The following CLEC17A variants were observed in gnomAD, a reference collection of about 807,000 sequenced individuals.
CLEC17A encodes C-type lectin domain containing 17A.
Under a neutral mutation model 61.3 loss-of-function variants are expected in CLEC17A, and 37 were observed. The observed-to-expected ratio is 0.60, with a 90% confidence interval of 0.46 to 0.79. The LOEUF (loss-of-function observed/expected upper bound fraction) is 0.79, where lower values mean the gene tolerates loss of function less well. Among genes scored for constraint, CLEC17A ranks in the 30% least tolerant of loss-of-function variants. The pLI is 0.00. For synonymous variants in CLEC17A, 168 were observed against 164.9 expected (o/e 1.02, Z -0.14); for missense variants, 418 against 464.7 (o/e 0.90, Z 0.92).
At chr19:14,601,533 C>T (rs139728671) in intron 12 of CLEC17A, among the ~76,000 whole-genome samples, 97 of 152,160 alleles carry the variant, frequency 6.4e-4, no homozygotes, top group Admixed American at 1.0e-3. Flanking sequence ...GAGTCACTTA[C>T]AGCTAGTGGG....
chr19:14,586,251 T>C (rs1325625773), intron 2 of CLEC17A, among the ~76,000 whole-genome samples: 5 of 151,828 alleles, frequency 3.3e-5, no homozygotes, highest in Admixed American at 3.3e-4. Flanking sequence ...TCAGCCTCCC[T>C]GGCAGCGGGA....
In CLEC17A at chr19:14,599,922, C is replaced by T. The variant is rs2074662219; in HGVS notation, c.743-109C>T. The T allele has an allele frequency of 4.7e-6, 7 of 1,505,008 alleles. No individual in the cohort carries two copies. The East Asian group carries it at 1.4e-4, about 30-fold the overall frequency. 93.2% of individuals were successfully genotyped at this position (1,505,008 alleles called of 1,614,324 possible). A position where few individuals can be genotyped will look rare whatever the true frequency, so the allele number is the denominator to read the frequency against. ...TGCAGTCTATGTGAATGGTGCCCCTCCCCCTCACCGGAGTTGAGCAGTGTA... is the reference window on the plus strand; with the variant it reads ...TGCAGTCTATGTGAATGGTGCCCCTTCCCCTCACCGGAGTTGAGCAGTGTA... On this transcript the variant is annotated intron_variant, in intron 11 of 13. Transcript: ENST00000417570.
intron 2 of CLEC17A, among the ~76,000 whole-genome samples, chr19:14,587,074 A>C (rs1339565562): frequency 6.6e-6 from 1 of 151,404 alleles, no homozygotes; most frequent in African/African-American, 2.4e-5. Context: ...TTTTTGGTAG[A>C]GACGGGGTTT....
chr19:14,594,723 AAGCCCTTCTT>A, intron 6 of CLEC17A, 26 bp from the exon 7 acceptor site: 1 of 1,613,988 alleles, frequency 6.2e-7, no homozygotes, highest in Non-Finnish European at 8.5e-7. Flanking sequence ...CACCTGGCTG[AAGCCCTTCTT>A]GAAATGACTT....
rs534791403 is a variant in CLEC17A at position 14,611,003 on chromosome 19, T to A, written c.*807T>A. ...TTTTTACTTTCCCCATCTTTTCCTT[T>A]TTTTTTTTTTTCCAAACAAAAGCTT... On this transcript the variant is annotated 3_prime_UTR_variant, in exon 14 of 14. Coordinates refer to ENST00000417570, the MANE Select transcript of CLEC17A (RefSeq NM_001204118.2). 5 of 150,418 alleles carry A rather than the reference T, an allele frequency of 3.3e-5. No individual in the cohort carries two copies. The highest frequency in any genetic ancestry group is 1.2e-4 in the African/African-American group (5 of 41,144). The allele number at this position is 150,418 out of a possible 1,614,324, so 9.3% of individuals were successfully genotyped here.
chr19:14,611,864 C>T lies in CLEC17A; in HGVS notation c.*1668C>T, dbSNP rs73504181. On this transcript the variant is annotated 3_prime_UTR_variant, in exon 14 of 14. Coordinates refer to ENST00000417570, the MANE Select transcript of CLEC17A (RefSeq NM_001204118.2). Reference sequence around the variant, plus strand: ...TAAAAATACAAAAAAATTAGCTGGGCGTGGTGGCATGTGCCTGTAATCCCA... The same window carrying T: ...TAAAAATACAAAAAAATTAGCTGGGTGTGGTGGCATGTGCCTGTAATCCCA... 4.9e-3 allele frequency among the ~76,000 whole-genome samples: 746 copies of T among 152,064 alleles called. 7 individuals carry two copies. The highest frequency in any genetic ancestry group is 0.017 in the African/African-American group (717 of 41,484).
chr19:14,599,957 C>G, intron 11 of CLEC17A, 74 bp from the exon 12 acceptor site: 1 of 1,570,860 alleles, frequency 6.4e-7, no homozygotes, highest in Non-Finnish European at 8.7e-7. Context: ...ACAGCCTGCA[C>G]AACTGTACAT....
chr19:14,587,285 G>A (rs1388277250), intron 2 of CLEC17A, among the ~76,000 whole-genome samples: 5 of 151,634 alleles, frequency 3.3e-5, no homozygotes, highest in African/African-American at 9.7e-5. Context: ...GAGGTCTGGG[G>A]GCTTCCCCCC....
At chr19:14,591,619 T>C (rs993715194) in intron 3 of CLEC17A, among the ~76,000 whole-genome samples, 1 of 150,368 alleles carries the variant, frequency 6.7e-6, no homozygotes, top group Non-Finnish European at 1.5e-5. Context: ...AGTGGTGCGA[T>C]CTCAGCTCAC....
At chr19:14,581,971 G>C (rs55653343), upstream of CLEC17A, among the ~76,000 whole-genome samples, 2,388 of 152,198 alleles carry the variant, frequency 0.016, 31 homozygotes, top group Non-Finnish European at 0.026. Context: ...TATAGTTCTG[G>C]AGTCAGGAGA....
At chr19:14,602,496 GT>G (rs1338333451) in intron 12 of CLEC17A, among the ~76,000 whole-genome samples, 3 of 151,994 alleles carry the variant, frequency 2.0e-5, no homozygotes, top group African/African-American at 7.3e-5. Flanking sequence ...GTTTTGCTAT[GT>G]TGCCCAGGCT....
chr19:14,594,935 G>A lies in CLEC17A; in HGVS notation c.403+135G>A, dbSNP rs113440902. ...CATCCAGGCTGGAGTGCAGTGGTGC[G>A]ATACTGGCTCACTGCAACCTCTGCC... is the stretch of plus-strand genomic sequence containing the variant. On this transcript the variant is annotated intron_variant, in intron 7 of 13. Transcript: ENST00000417570. 756 of 885,366 alleles carry A rather than the reference G, an allele frequency of 8.5e-4. 4 individuals are homozygous for A. The African/African-American group carries it at 0.011, about 13-fold the overall frequency. The allele number at this position is 885,366 out of a possible 1,614,324, so 54.8% of individuals were successfully genotyped here. A position where few individuals can be genotyped will look rare whatever the true frequency, so the allele number is the denominator to read the frequency against.
chr19:14,609,614 G>T (rs1254411157), intron 13 of CLEC17A, among the ~76,000 whole-genome samples: 2 of 148,418 alleles, frequency 1.3e-5, no homozygotes, highest in Non-Finnish European at 3.0e-5. Flanking sequence ...GAGGCGGGCG[G>T]ATCACTTGAG....
chr19:14,596,729 C>G, intron 8 of CLEC17A, 147 bp from the exon 9 acceptor site: 5 of 910,716 alleles, frequency 5.5e-6, no homozygotes, highest in Non-Finnish European at 8.2e-6. Flanking sequence ...GGTTCACTCT[C>G]CCTAACCCTC....
chr19:14,598,413 T>A (rs2074610299), intron 10 of CLEC17A, among the ~76,000 whole-genome samples: 1 of 150,838 alleles, frequency 6.6e-6, no homozygotes, highest in Admixed American at 6.6e-5. Flanking sequence ...CTTCCTTCCT[T>A]CCTTTCTTCT....
Position 14,610,391 on chromosome 19 carries a change from T to TA in CLEC17A, c.*196dup, listed in dbSNP as rs528957151. On this transcript the variant is annotated 3_prime_UTR_variant, in exon 14 of 14. Coordinates refer to ENST00000417570, the MANE Select transcript of CLEC17A (RefSeq NM_001204118.2). ...CTAGAGTGAGGACTTGGGCTTGCCC[T>TA]AGTAGATGGTGAGCTGGGAGGATGC... is the stretch of plus-strand genomic sequence containing the variant. 144 of 666,676 alleles carry TA rather than the reference T, an allele frequency of 2.2e-4. No individual in the cohort carries two copies. The African/African-American group carries it at 2.4e-3, about 11-fold the overall frequency. The allele number at this position is 666,676 out of a possible 1,614,324, so 41.3% of individuals were successfully genotyped here. A position where few individuals can be genotyped will look rare whatever the true frequency, so the allele number is the denominator to read the frequency against.
At chr19:14,592,945 T>C (rs546440430) in intron 4 of CLEC17A, among the ~76,000 whole-genome samples, 2 of 152,064 alleles carry the variant, frequency 1.3e-5, no homozygotes, top group East Asian at 3.9e-4. Flanking sequence ...GGATTACAGG[T>C]GTGAGCCACC....
chr19:14,607,619 A>G (rs2074932480), intron 13 of CLEC17A, among the ~76,000 whole-genome samples: 1 of 151,712 alleles, frequency 6.6e-6, no homozygotes, highest in African/African-American at 2.4e-5. Flanking sequence ...GCTGTCGCTC[A>G]GGCTGGAGTG....
At chr19:14,592,234 G>A in intron 3 of CLEC17A, 47 bp from the exon 4 acceptor site, 1 of 1,527,182 alleles carries the variant, frequency 6.5e-7, no homozygotes, top group Admixed American at 2.0e-5. Context: ...TTGAGGGATG[G>A]AGGGAGGAGG....
Sources: allele counts gnomAD v4.1 joint callset (sites outside exome capture counted in the v4.1 genomes callset), GRCh38; gene constraint gnomAD v4.1.1; transcripts MANE v1.5; gene names NCBI Gene and HGNC (gene_info 2026-07-23, HGNC 2026-07-21).